PLEKHF1: variants seen among roughly 807,000 people sequenced by gnomAD.
PLEKHF1 encodes the protein pleckstrin homology domain-containing family F member 1.
PLEKHF1 carries 1 observed loss-of-function variant against 4.1 expected under a neutral mutation model. The ratio of observed to expected loss-of-function variants is 0.24; its 90% confidence interval spans 0.09 to 1.15. The LOEUF is 1.15. Among genes scored for constraint, PLEKHF1 ranks in the 50% most tolerant of loss-of-function variants. The pLI is 0.52. For missense variants in PLEKHF1, 429 were observed against 400.6 expected (o/e 1.07, Z -0.60); for synonymous variants, 182 against 178.5 (o/e 1.02, Z -0.16).
intron 1 of PLEKHF1, among the ~76,000 whole-genome samples, chr19:29,670,960 ATTTTTAAC>A (rs1971625381): frequency 6.6e-6 from 1 of 151,984 alleles, no homozygotes; most frequent in Non-Finnish European, 1.5e-5. Context: ...AGGCGTGAGT[ATTTTTAAC>A]TTTTTAAGGA....
chr19:29,673,508 C>G (rs934039890), intron 1 of PLEKHF1, among the ~76,000 whole-genome samples: 58 of 152,244 alleles, frequency 3.8e-4, no homozygotes, highest in African/African-American at 1.3e-3. Flanking sequence ...CTCAGCCTTC[C>G]AAAACGCTGG....
At chr19:29,665,896 T>C in intron 1 of PLEKHF1, 1 of 792,232 alleles carries the variant, frequency 1.3e-6, no homozygotes, top group African/African-American at 1.9e-5. Context: ...CCGGGACCTC[T>C]CTTCTCAGCC....
At position 29,674,950 on chromosome 19, in the gene PLEKHF1, G is replaced by A. The variant is rs1204745805; in HGVS notation, c.*271G>A. The A allele has an allele frequency of 1.1e-5, 5 of 459,702 alleles. No individual in the cohort carries two copies. The highest frequency in any genetic ancestry group is 1.6e-5 in the Non-Finnish European group (4 of 257,830). 28.5% of individuals were successfully genotyped at this position (459,702 alleles called of 1,614,324 possible). ...CACCTTACACTCTGCAGGCTGCAGCGGCAGCTCCAGATGGCCTCCTGAGCT... is the reference window on the plus strand; with the variant it reads ...CACCTTACACTCTGCAGGCTGCAGCAGCAGCTCCAGATGGCCTCCTGAGCT... On this transcript the variant is annotated 3_prime_UTR_variant, in exon 2 of 2. Coordinates refer to ENST00000436066, the MANE Select transcript of PLEKHF1 (RefSeq NM_024310.5).
rs749928444 is a variant in PLEKHF1 at position 29,674,636 on chromosome 19, A to G, written c.797A>G (p.Glu266Gly). Residue 266 changes from glutamate to glycine, a missense_variant, in exon 2 of 2, where the codon GAG (glutamate) becomes GGG (glycine). Transcript: ENST00000436066. ...SRDGDWPSSV[E>G]FYASGVAWSA... ...GACGGCGACTGGCCCAGCAGCGTGG[A>G]GTTCTACGCCTCGGGGGTGGCCTGG... 1.2e-6 allele frequency: 2 copies of G among 1,610,378 alleles called. No individual in the cohort carries two copies. Among genetic ancestry groups the G allele is most frequent in the Non-Finnish European group, 1.7e-6 (2 of 1,179,088 alleles).
rs1971664703 is a variant in PLEKHF1, at chr19:29,674,054, G to GC, written c.216dup (p.Lys73GlnfsTer52). On this transcript the variant is annotated frameshift_variant, in exon 2 of 2. Transcript: ENST00000436066. LOFTEE classifies it low-confidence loss of function (END_TRUNC). ...TATGGCAGCATCGTGCTCAACAAGC[G>GC]CAAGTACCGCAGCCAGCACATCATC... 1 of 1,614,106 alleles carries GC rather than the reference G, an allele frequency of 6.2e-7. No individual in the cohort carries two copies. Among genetic ancestry groups the GC allele is most frequent in the Non-Finnish European group, 8.5e-7 (1 of 1,180,006 alleles).
chr19:29,674,352 GC>G lies in PLEKHF1; in HGVS notation c.514del (p.Arg172AlafsTer188). The G allele has an allele frequency of 6.5e-7, 1 of 1,549,502 alleles. No individual in the cohort carries two copies. Among genetic ancestry groups the G allele is most frequent in the Non-Finnish European group, 8.7e-7 (1 of 1,153,518 alleles). ...AGACGCGCTTCTCTGCCCTCACGAG[GC>G]GCCACCACTGCCGCAAGTGCGGCTT... ...TQTRFSALTRRHHCRKCGFVV... is the reference protein window; with the variant it reads ...TQTRFSALTRXHHCRKCGFVV... On this transcript the variant is annotated frameshift_variant, in exon 2 of 2. Transcript: ENST00000436066. LOFTEE classifies it low-confidence loss of function (END_TRUNC).
In PLEKHF1 at chr19:29,665,510, G is replaced by T. The variant is rs759669169; in HGVS notation, c.-17+5G>T. 8.2e-7 allele frequency: 1 copy of T among 1,221,828 alleles called. No homozygotes were observed. The highest frequency in any genetic ancestry group is 2.6e-4 in the Middle Eastern group (1 of 3,848). 75.7% of individuals were successfully genotyped at this position (1,221,828 alleles called of 1,614,324 possible). On this transcript the variant is annotated splice_donor_5th_base_variant and intron_variant, in intron 1 of 1. Coordinates refer to ENST00000436066, the MANE Select transcript of PLEKHF1 (RefSeq NM_024310.5). The stretch of plus-strand genomic sequence containing the variant: ...GGCGCGGGGCCGGCGCAGAAGGTGA[G>T]TCCCCCCACCGTCCCCCGGCCGGGC...
At position 29,668,759 on chromosome 19, in the gene PLEKHF1, C is replaced by A. The variant is rs529901850; in HGVS notation, c.-17+3254C>A. Among the ~76,000 whole-genome samples, 13 of 152,096 alleles carry A rather than the reference C, an allele frequency of 8.5e-5. No homozygotes were observed. In the East Asian group the frequency reaches 2.5e-3, roughly 29 times the overall value. On this transcript the variant is annotated intron_variant, in intron 1 of 1. Coordinates refer to ENST00000436066, the MANE Select transcript of PLEKHF1 (RefSeq NM_024310.5). ...AAGAAAGAAAGAAAAAAGCATTCCC[C>A]ATCTAACTCAGGGCTGCTGTATTTG... is the stretch of plus-strand genomic sequence containing the variant.
At position 29,671,910 on chromosome 19, in the gene PLEKHF1, G is replaced by T. The variant is rs1971635275; in HGVS notation, c.-16-1914G>T. On this transcript the variant is annotated intron_variant, in intron 1 of 1. Coordinates refer to ENST00000436066, the MANE Select transcript of PLEKHF1 (RefSeq NM_024310.5). The surrounding 1 kb of genome is among the most constrained non-coding windows in gnomAD (Gnocchi z 4.0). ...CATGTGTGCACGTGGTGGTGGTGGG[G>T]CCAGCTCTCACCTCTTCCTCTGTAG... 6.6e-6 allele frequency among the ~76,000 whole-genome samples: 1 copy of T among 152,024 alleles called. No homozygotes were observed. Among genetic ancestry groups the T allele is most frequent in the African/African-American group, 2.4e-5 (1 of 41,400 alleles).
chr19:29,666,979 T>TC (rs1330417685), intron 1 of PLEKHF1: 7 of 152,238 alleles, frequency 4.6e-5, no homozygotes, highest in Admixed American at 4.6e-4. Flanking sequence ...TGCTGCAGTC[T>TC]CAATGCACAT....
intron 1 of PLEKHF1, among the ~76,000 whole-genome samples, chr19:29,669,101 G>A (rs1444423129): frequency 1.3e-5 from 2 of 152,146 alleles, no homozygotes; most frequent in Non-Finnish European, 2.9e-5. Context: ...CATGGGTGGG[G>A]GCAGAGCAGC....
chr19:29,665,470 T>A lies in PLEKHF1; in HGVS notation c.-52T>A. ...GGCGGGGACCCGGGCTACTGCGGTG[T>A]GGACTCGAGGGCTGGGCGCGGGGCC... is the stretch of plus-strand genomic sequence containing the variant. On this transcript the variant is annotated 5_prime_UTR_variant, in exon 1 of 2. Coordinates refer to ENST00000436066, the MANE Select transcript of PLEKHF1 (RefSeq NM_024310.5). 1.0e-6 allele frequency: 1 copy of A among 967,476 alleles called. No individual in the cohort carries two copies. Among genetic ancestry groups the A allele is most frequent in the Non-Finnish European group, 1.3e-6 (1 of 744,172 alleles). 59.9% of individuals were successfully genotyped at this position (967,476 alleles called of 1,614,324 possible). A position where few individuals can be genotyped will look rare whatever the true frequency, so the allele number is the denominator to read the frequency against.
At position 29,674,078 on chromosome 19, in the gene PLEKHF1, T is replaced by TC; in HGVS notation, c.244dup (p.Leu82ProfsTer43). On this transcript the variant is annotated frameshift_variant, in exon 2 of 2. Coordinates refer to ENST00000436066, the MANE Select transcript of PLEKHF1 (RefSeq NM_024310.5). LOFTEE classifies it low-confidence loss of function (END_TRUNC). ...CGCAAGTACCGCAGCCAGCACATCA[T>TC]CCCCCTGGAGGAGGTCACACTGGAG... is the stretch of plus-strand genomic sequence containing the variant. The TC allele has an allele frequency of 6.2e-7, 1 of 1,613,958 alleles. No individual in the cohort carries two copies. The highest frequency in any genetic ancestry group is 8.5e-7 in the Non-Finnish European group (1 of 1,179,978).
intron 1 of PLEKHF1, among the ~76,000 whole-genome samples, chr19:29,670,955 T>C (rs1012405505): frequency 2.0e-5 from 3 of 152,152 alleles, no homozygotes; most frequent in Non-Finnish European, 4.4e-5. Flanking sequence ...ATTACAGGCG[T>C]GAGTATTTTT....
intron 1 of PLEKHF1, among the ~76,000 whole-genome samples, chr19:29,670,132 A>C (rs1282900750): frequency 6.6e-6 from 1 of 152,140 alleles, no homozygotes; most frequent in African/African-American, 2.4e-5. Flanking sequence ...GGGTTTCACC[A>C]TATTGGCCAG....
chr19:29,674,168 T>C lies in PLEKHF1; in HGVS notation c.329T>C (p.Val110Ala). 6.2e-7 allele frequency: 1 copy of C among 1,613,498 alleles called. No individual in the cohort carries two copies. The highest frequency in any genetic ancestry group is 1.7e-5 in the Admixed American group (1 of 60,030). Residue 110 changes from valine to alanine, a missense_variant, in exon 2 of 2, where the codon GTG becomes GCG. By Grantham distance (64) the Val-to-Ala change is moderately conservative (BLOSUM62 0). Transcript: ENST00000436066. ...ATCAAGACGGCCAAGAAGTCCTTTG[T>C]GGTGTCGGCCGCCTCCGCTACGGAG... ...WMIKTAKKSF[V>A]VSAASATERQ...
intron 1 of PLEKHF1, among the ~76,000 whole-genome samples, chr19:29,669,604 A>G (rs1193805950): frequency 6.6e-6 from 1 of 152,224 alleles, no homozygotes; most frequent in Non-Finnish European, 1.5e-5. Flanking sequence ...CCAGGACCCA[A>G]TCCAGACACT....
chr19:29,672,530 C>T (rs545295583), intron 1 of PLEKHF1, among the ~76,000 whole-genome samples: 3 of 152,240 alleles, frequency 2.0e-5, no homozygotes, highest in Non-Finnish European at 4.4e-5. Flanking sequence ...ACAATGGCAC[C>T]TTGCCACCGA....
Position 29,674,819 on chromosome 19 carries a change from C to T in PLEKHF1, c.*140C>T, listed in dbSNP as rs1009466744. Reference sequence around the variant, plus strand: ...GCGGTGGGGAGTGGCTCTTTCTGGACTCCCAGTGCCTTTTTGCTGGACACT... The same window carrying T: ...GCGGTGGGGAGTGGCTCTTTCTGGATTCCCAGTGCCTTTTTGCTGGACACT... On this transcript the variant is annotated 3_prime_UTR_variant, in exon 2 of 2. Transcript: ENST00000436066. The T allele has an allele frequency of 5.8e-5, 73 of 1,267,724 alleles. No homozygotes were observed. The highest frequency in any genetic ancestry group is 7.0e-5 in the Non-Finnish European group (66 of 937,652). The allele number at this position is 1,267,724 out of a possible 1,614,324, so 78.5% of individuals were successfully genotyped here. A position where few individuals can be genotyped will look rare whatever the true frequency, so the allele number is the denominator to read the frequency against.
Sources: gnomAD v4.1 joint callset for allele counts (sites outside exome capture counted in the v4.1 genomes callset) on GRCh38, gnomAD v4.1.1 for gene constraint, Gnocchi (gnomAD v3.1) non-coding constraint, MANE v1.5 for transcripts, NCBI Gene and HGNC (gene_info 2026-07-23, HGNC 2026-07-21) for gene names.